RAD51C: variants seen among roughly 807,000 people sequenced by gnomAD.
RAD51C encodes the protein RAD51 paralog C.
Under a neutral mutation model 45.0 loss-of-function variants are expected in RAD51C, and 42 were observed. That is an observed-to-expected ratio of 0.93 (90% CI 0.73 to 1.21). The LOEUF is 1.21. Ranked by LOEUF, RAD51C falls within the 50% of genes most tolerant of loss-of-function variation. RAD51C has a pLI of 0.00. For synonymous variants in RAD51C, 172 were observed against 159.8 expected, an observed-to-expected ratio of 1.08 and a Z score of -0.58; for missense variants, 474 against 452.2, an observed-to-expected ratio of 1.05 and a Z score of -0.44.
At chr17:58,730,274 C>T (rs2049364323) in intron 7 of RAD51C, among the ~76,000 whole-genome samples, 1 of 151,062 alleles carries the variant, frequency 6.6e-6, no homozygotes, top group Non-Finnish European at 1.5e-5. Context: ...AAGTGATTCT[C>T]CTACCTCAGC....
intron 5 of RAD51C, among the ~76,000 whole-genome samples, chr17:58,716,371 T>C (rs537621686): frequency 6.6e-6 from 1 of 152,152 alleles, no homozygotes; most frequent in South Asian, 2.1e-4. Context: ...AAGATGAAAA[T>C]GTACAGTCTA....
At chr17:58,702,750 T>G (rs1395266447) in intron 3 of RAD51C, among the ~76,000 whole-genome samples, 1 of 150,506 alleles carries the variant, frequency 6.6e-6, no homozygotes, top group Non-Finnish European at 1.5e-5. Context: ...GTAATCCCAG[T>G]GCTTTGGGAG....
intron 3 of RAD51C, among the ~76,000 whole-genome samples, chr17:58,697,378 A>G (rs2048054670): frequency 6.6e-6 from 1 of 152,090 alleles, no homozygotes; most frequent in South Asian, 2.1e-4. Flanking sequence ...TGTACTAAAA[A>G]TACCAAAATT....
chr17:58,716,823 T>C (rs1451917895), intron 5 of RAD51C, among the ~76,000 whole-genome samples: 1 of 148,874 alleles, frequency 6.7e-6, no homozygotes, highest in Non-Finnish European at 1.5e-5. Context: ...CAGGCTGGAG[T>C]GCAGTGGCGC....
chr17:58,723,135 C>T (rs1481796428), intron 6 of RAD51C, among the ~76,000 whole-genome samples: 2 of 152,112 alleles, frequency 1.3e-5, no homozygotes, highest in Non-Finnish European at 2.9e-5. Context: ...GCCAGTTTCA[C>T]ACCTAATATG....
chr17:58,697,574 C>T (rs1016623706), intron 3 of RAD51C, among the ~76,000 whole-genome samples: 3 of 146,412 alleles, frequency 2.0e-5, no homozygotes, highest in Non-Finnish European at 4.5e-5. Flanking sequence ...AAAAAAACCA[C>T]GTCTGAAATG....
chr17:58,703,903 A>G (rs1021621557), intron 4 of RAD51C, among the ~76,000 whole-genome samples: 4 of 145,264 alleles, frequency 2.8e-5, no homozygotes, highest in Admixed American at 2.1e-4. Context: ...GTTCAAGGCT[A>G]CATTGAGCTA....
intron 8 of RAD51C, among the ~76,000 whole-genome samples, chr17:58,733,051 C>T (rs373312703): frequency 1.3e-5 from 2 of 151,786 alleles, no homozygotes; most frequent in African/African-American, 2.4e-5. Flanking sequence ...GGAGTCTCTG[C>T]GTCGCCCAGG....
intron 8 of RAD51C, among the ~76,000 whole-genome samples, chr17:58,733,006 C>A (rs1031318352): frequency 2.0e-5 from 3 of 151,964 alleles, no homozygotes; most frequent in Non-Finnish European, 4.4e-5. Context: ...AGTGTTGAGC[C>A]AAATATATTT....
At chr17:58,722,633 G>A (rs377717566) in intron 6 of RAD51C, among the ~76,000 whole-genome samples, 15 of 152,208 alleles carry the variant, frequency 9.9e-5, no homozygotes, top group African/African-American at 3.6e-4. Context: ...ATTACTATCA[G>A]TTTAGTTTCC....
rs751117852 is a variant in RAD51C at position 58,692,652 on chromosome 17, G to C, written c.9G>C (p.Gly3=). Residue 3 remains glycine (G), a synonymous_variant, in exon 1 of 9, where the codon GGG becomes GGC. Coordinates refer to ENST00000337432, the MANE Select transcript of RAD51C (RefSeq NM_058216.3). MR[G]KTFRFEMQRD... ...TAGCAGGTGAGCCTGCGATGCGCGG[G>C]AAGACGTTCCGCTTTGAAATGCAGC... is the stretch of plus-strand genomic sequence containing the variant. The C allele has an allele frequency of 1.9e-5, 31 of 1,614,072 alleles. No individual in the cohort carries two copies. Among genetic ancestry groups the C allele is most frequent in the Non-Finnish European group, 2.6e-5 (31 of 1,180,046 alleles).
intron 7 of RAD51C, 154 bp from the exon 8 acceptor site, chr17:58,732,330 A>G (rs993294802): frequency 1.4e-5 from 9 of 665,148 alleles, no homozygotes; most frequent in Admixed American, 2.6e-5. Context: ...TGAAGGGTGT[A>G]TTTTTAATAT....
At chr17:58,733,539 G>A (rs532946236) in intron 8 of RAD51C, among the ~76,000 whole-genome samples, 3 of 152,196 alleles carry the variant, frequency 2.0e-5, no homozygotes, top group African/African-American at 7.2e-5. Flanking sequence ...CAAAGCTATC[G>A]TAAAGTTTGT....
At chr17:58,715,586 G>A (rs974696906) in intron 5 of RAD51C, among the ~76,000 whole-genome samples, 4 of 151,780 alleles carry the variant, frequency 2.6e-5, no homozygotes, top group African/African-American at 9.7e-5. Flanking sequence ...TATATAAGCA[G>A]ATCATACAGT....
intron 7 of RAD51C, among the ~76,000 whole-genome samples, chr17:58,731,576 G>C (rs960581132): frequency 1.3e-5 from 2 of 152,036 alleles, no homozygotes; most frequent in African/African-American, 4.8e-5. Flanking sequence ...AGTCTTAAAG[G>C]TTTTTGTTTA....
rs746978518 is a variant in RAD51C at position 58,692,610 on chromosome 17, T to G, written c.-34T>G. 4 of 1,612,642 alleles carry G rather than the reference T, an allele frequency of 2.5e-6. No individual in the cohort carries two copies. In the South Asian group the frequency reaches 3.3e-5, roughly 13 times the overall value. On this transcript the variant is annotated 5_prime_UTR_variant, in exon 1 of 9. Transcript: ENST00000337432. ...CACGCCCCAGCGAGGGCGTGCGGAG[T>G]TTGGCTGCTCCGGGGTTAGCAGGTG...
rs778493896 is a variant in RAD51C at position 58,692,605 on chromosome 17, C to T, written c.-39C>T. Reference sequence around the variant, plus strand: ...CGCCGCACGCCCCAGCGAGGGCGTGCGGAGTTTGGCTGCTCCGGGGTTAGC... The same window carrying T: ...CGCCGCACGCCCCAGCGAGGGCGTGTGGAGTTTGGCTGCTCCGGGGTTAGC... On this transcript the variant is annotated 5_prime_UTR_variant, in exon 1 of 9. Coordinates refer to ENST00000337432, the MANE Select transcript of RAD51C (RefSeq NM_058216.3). The T allele has an allele frequency of 6.2e-7, 1 of 1,612,486 alleles. No homozygotes were observed. The highest frequency in any genetic ancestry group is 8.5e-7 in the Non-Finnish European group (1 of 1,179,930).
chr17:58,703,461 C>A, intron 4 of RAD51C, 132 bp downstream of exon 4: 1 of 895,130 alleles, frequency 1.1e-6, no homozygotes, highest in Admixed American at 2.5e-5. Flanking sequence ...CCTTCCTTGA[C>A]CTACAATTTA....
chr17:58,726,010 A>C (rs960298334), intron 7 of RAD51C, among the ~76,000 whole-genome samples: 3 of 151,572 alleles, frequency 2.0e-5, no homozygotes, highest in African/African-American at 4.8e-5. Flanking sequence ...AAAAAAAAAA[A>C]AAAAAACAAG....
Sources: gnomAD v4.1 joint callset for allele counts (sites outside exome capture counted in the v4.1 genomes callset) on GRCh38, gnomAD v4.1.1 for gene constraint, MANE v1.5 for transcripts, NCBI Gene and HGNC (gene_info 2026-07-23, HGNC 2026-07-21) for gene names.